Variants in CSK observed in about 807,000 individuals in gnomAD.
The protein encoded by CSK is tyrosine-protein kinase CSK.
A neutral mutation model predicts 62.3 loss-of-function variants in CSK; 7 were observed. The ratio of observed to expected loss-of-function variants is 0.11; its 90% CI spans 0.06 to 0.21. CSK has a LOEUF of 0.21. CSK is among the 10% of genes least tolerant of loss of function. The pLI is 1.00. For missense variants in CSK, 294 were observed against 613.5 expected, an observed-to-expected ratio of 0.48 and a Z score of 5.50; for synonymous variants, 237 against 246.0, an observed-to-expected ratio of 0.96 and a Z score of 0.34.
At chr15:74,785,180 C>T (rs1045290987) in intron 1 of CSK, among the ~76,000 whole-genome samples, 5 of 152,176 alleles carry the variant, frequency 3.3e-5, no homozygotes, top group Non-Finnish European at 7.3e-5. Context: ...CATCCTTTTC[C>T]TTCATTGTCG....
rs2063459094 is a variant in CSK, at chr15:74,782,946, G to C, written c.-66+226G>C. Among the ~76,000 whole-genome samples, 1 of 152,240 alleles carries C rather than the reference G, an allele frequency of 6.6e-6. No individual in the cohort carries two copies. Among genetic ancestry groups the C allele is most frequent in the Non-Finnish European group, 1.5e-5 (1 of 68,032 alleles). ...GGAGGTACTGCCCTGCAGCTCCACG[G>C]ACTCGTCTTCTCGGGTCATCCCGAG... On this transcript the variant is annotated intron_variant, in intron 1 of 12. Transcript: ENST00000220003. The surrounding 1 kb of genome is among the most constrained non-coding windows in gnomAD (Gnocchi z 5.7).
intron 1 of CSK, among the ~76,000 whole-genome samples, chr15:74,796,566 C>T (rs551340484): frequency 1.8e-4 from 27 of 150,856 alleles, no homozygotes; most frequent in African/African-American, 6.3e-4. Context: ...TGCACTCCTG[C>T]CTGGGCAACA....
At chr15:74,797,183 C>T (rs2063719545) in intron 1 of CSK, among the ~76,000 whole-genome samples, 1 of 152,192 alleles carries the variant, frequency 6.6e-6, no homozygotes, top group Non-Finnish European at 1.5e-5. Context: ...GGGTTTAAGC[C>T]ATCTGTCTGC....
At position 74,799,447 on chromosome 15, in the gene CSK, A is replaced by G; in HGVS notation, c.418A>G (p.Ile140Val). 6.2e-7 allele frequency: 1 copy of G among 1,613,506 alleles called. No homozygotes were observed. The highest frequency in any genetic ancestry group is 8.5e-7 in the Non-Finnish European group (1 of 1,180,012). ...RIMYHASKLS[I>V]DEEVYFENLM... Reference sequence around the variant, plus strand: ...CATGTACCATGCCAGCAAGCTCAGCATCGACGAGGAGGTGTACTTTGAGAA... The same window carrying G: ...CATGTACCATGCCAGCAAGCTCAGCGTCGACGAGGAGGTGTACTTTGAGAA... Residue 140 changes from isoleucine (I) to valine (V), a missense_variant, in exon 5 of 13, where the codon ATC (isoleucine) becomes GTC (valine). By Grantham distance (29) the Ile-to-Val change is conservative (BLOSUM62 3). Around this residue, in one of 3 missense-constraint regions of CSK, gnomAD observed 202 missense variants for 415.7 expected, o/e 0.49. Coordinates refer to ENST00000220003, the MANE Select transcript of CSK (RefSeq NM_004383.3).
At chr15:74,785,483 G>A (rs2063501148) in intron 1 of CSK, among the ~76,000 whole-genome samples, 1 of 152,176 alleles carries the variant, frequency 6.6e-6, no homozygotes, top group Admixed American at 6.5e-5. Flanking sequence ...ATGCCACTTA[G>A]GCCCAGGGTA....
chr15:74,785,601 C>T (rs967710995), intron 1 of CSK, among the ~76,000 whole-genome samples: 4 of 152,176 alleles, frequency 2.6e-5, no homozygotes, highest in Admixed American at 6.5e-5. Flanking sequence ...ACTAACTAAC[C>T]AAGGGACTCT....
At chr15:74,786,013 T>TTTTGTGTGTG in intron 1 of CSK, among the ~76,000 whole-genome samples, 25 of 47,840 alleles carry the variant, frequency 5.2e-4, no homozygotes, top group African/African-American at 1.4e-3. Context: ...TTTTTTTTTT[T>TTTTGTGTGTG]TGTGTGTGTG....
In CSK at chr15:74,784,395, TTTTTA is replaced by T. The variant is rs371535326; in HGVS notation, c.-66+1695_-66+1699del. 7.2e-3 allele frequency among the ~76,000 whole-genome samples: 1,089 copies of T among 152,106 alleles called. 12 individuals are homozygous for T. Among genetic ancestry groups the T allele is most frequent in the African/African-American group, 0.025 (1,042 of 41,468 alleles). On this transcript the variant is annotated intron_variant, in intron 1 of 12. Coordinates refer to ENST00000220003, the MANE Select transcript of CSK (RefSeq NM_004383.3). ...CTCCCACCCCAGTCAGCCTTTTTAA[TTTTTA>T]TTTTATTTTATTTTATTTTTTTACC...
chr15:74,787,871 CATCT>C (rs1334233450), intron 1 of CSK, among the ~76,000 whole-genome samples: 2 of 152,250 alleles, frequency 1.3e-5, no homozygotes, highest in African/African-American at 2.4e-5. Context: ...CAGACTCGCG[CATCT>C]ATCTATCTGC....
intron 1 of CSK, among the ~76,000 whole-genome samples, chr15:74,784,223 C>CT (rs1365176007): frequency 1.3e-5 from 2 of 151,848 alleles, no homozygotes; most frequent in South Asian, 2.1e-4. Context: ...TGTTTTTTCA[C>CT]TTTTTTTTCT....
In CSK at chr15:74,798,794, C is replaced by T; in HGVS notation, c.130-32C>T. The T allele has an allele frequency of 6.2e-7, 1 of 1,605,490 alleles. No individual in the cohort carries two copies. The highest frequency in any genetic ancestry group is 8.5e-7 in the Non-Finnish European group (1 of 1,174,544). On this transcript the variant is annotated intron_variant, in intron 3 of 12. Transcript: ENST00000220003. The surrounding 1 kb of genome is among the most constrained non-coding windows in gnomAD (Gnocchi z 6.6). ...CTTCCCTCTGCAGGGGGAGGTGGGCCTGAGAGCATGTCTGGGCTGCCCTCT... is the reference window on the plus strand; with the variant it reads ...CTTCCCTCTGCAGGGGGAGGTGGGCTTGAGAGCATGTCTGGGCTGCCCTCT...
At position 74,783,467 on chromosome 15, in the gene CSK, C is replaced by T. The variant is rs35963373; in HGVS notation, c.-66+747C>T. 5.4e-3 allele frequency among the ~76,000 whole-genome samples: 828 copies of T among 152,312 alleles called. 9 individuals are homozygous for T. Among genetic ancestry groups the T allele is most frequent in the African/African-American group, 0.019 (778 of 41,560 alleles). ...AGTTCACTTCCCCGCCCATTTTGTA[C>T]ACCCGGGAACCGAGGCTCAAAGGGA... On this transcript the variant is annotated intron_variant, in intron 1 of 12. Transcript: ENST00000220003.
chr15:74,791,177 G>A (rs368344482), intron 1 of CSK, among the ~76,000 whole-genome samples: 10 of 152,220 alleles, frequency 6.6e-5, no homozygotes, highest in African/African-American at 2.4e-4. Flanking sequence ...GCATATTTGA[G>A]TTTAGGGAGG....
rs539638409 is a variant in CSK at position 74,798,342 on chromosome 15, C to G, written c.15+30C>G. The G allele has an allele frequency of 1.3e-5, 21 of 1,591,278 alleles. No homozygotes were observed. The highest frequency in any genetic ancestry group is 1.7e-4 in the Middle Eastern group (1 of 5,986). On this transcript the variant is annotated intron_variant, in intron 2 of 12. Coordinates refer to ENST00000220003, the MANE Select transcript of CSK (RefSeq NM_004383.3). This position sits in a 1 kb window ranked among gnomAD's most constrained non-coding sequence, Gnocchi z 6.6. ...CACAGGGGTGAGGGTCTGGGACATGCAAGCATTCCCACCAGCCCCAGCGGG... is the reference window on the plus strand; with the variant it reads ...CACAGGGGTGAGGGTCTGGGACATGGAAGCATTCCCACCAGCCCCAGCGGG...
intron 5 of CSK, 127 bp from the exon 6 acceptor site, chr15:74,800,285 C>T: frequency 1.3e-6 from 1 of 753,416 alleles, no homozygotes. Flanking sequence ...AAATGGGGAG[C>T]CCTCCCCACT....
chr15:74,783,578 A>G (rs912083671), intron 1 of CSK, among the ~76,000 whole-genome samples: 3 of 152,198 alleles, frequency 2.0e-5, no homozygotes, highest in African/African-American at 7.2e-5. Context: ...TGTGGGTGGA[A>G]GGAAACCAGG....
intron 1 of CSK, among the ~76,000 whole-genome samples, chr15:74,795,050 G>T (rs1031509305): frequency 1.3e-5 from 2 of 152,140 alleles, no homozygotes; most frequent in Non-Finnish European, 2.9e-5. Context: ...CTGCCTTCCC[G>T]CTTCCCTCAC....
At chr15:74,800,081 G>A (rs961911890) in intron 5 of CSK, among the ~76,000 whole-genome samples, 24 of 152,190 alleles carry the variant, frequency 1.6e-4, no homozygotes, top group Non-Finnish European at 2.8e-4. Flanking sequence ...GCCTGTGGCA[G>A]GTGAGGGTGG....
rs1317981173 is a variant in CSK at position 74,801,993 on chromosome 15, G to A, written c.1084-4G>A. ...TGACGCTGCTTCTTCCATCCACATG[G>A]CAGAAATTCTCCACTAAGTCTGACG... is the stretch of plus-strand genomic sequence containing the variant. On this transcript the variant is annotated splice_region_variant and splice_polypyrimidine_tract_variant and intron_variant, in intron 11 of 12. Transcript: ENST00000220003. 1.2e-6 allele frequency: 2 copies of A among 1,613,604 alleles called. No individual in the cohort carries two copies. The highest frequency in any genetic ancestry group is 1.3e-5 in the African/African-American group (1 of 74,920).
Sources: allele counts gnomAD v4.1 joint callset (sites outside exome capture counted in the v4.1 genomes callset), GRCh38; gene constraint gnomAD v4.1.1; regional missense constraint gnomAD v4.1.1; non-coding constraint Gnocchi (gnomAD v3.1); transcripts MANE v1.5; gene names NCBI Gene and HGNC (gene_info 2026-07-23, HGNC 2026-07-21).